The following SYNPO2 variants were observed in gnomAD, a reference collection of about 807,000 sequenced individuals.
SYNPO2 encodes the protein synaptopodin 2, also known as synaptopodin-2.
SYNPO2 carries 56 observed loss-of-function variants against 85.0 expected under a neutral mutation model. The observed-to-expected ratio is 0.66, with a 90% CI of 0.53 to 0.82. The LOEUF (loss-of-function observed/expected upper bound fraction) is 0.82. SYNPO2 is among the 40% of genes least tolerant of loss of function. SYNPO2 has a pLI of 0.00. For synonymous variants in SYNPO2, 602 were observed against 591.1 expected (o/e 1.02, Z -0.27); for missense variants, 1,575 against 1,534.2 (o/e 1.03, Z -0.44).
intron 1 of SYNPO2, among the ~76,000 whole-genome samples, chr4:118,964,248 G>A (rs1224787846): frequency 1.3e-5 from 2 of 151,946 alleles, no homozygotes; most frequent in Non-Finnish European, 2.9e-5. Flanking sequence ...TTAGGAGTTT[G>A]AGACCAGCCT....
Position 119,057,628 on chromosome 4 carries a change from G to A in SYNPO2, c.3480G>A (p.Val1160=), listed in dbSNP as rs374013584. 1 of 1,613,996 alleles carries A rather than the reference G, an allele frequency of 6.2e-7. No homozygotes were observed. The highest frequency in any genetic ancestry group is 8.5e-7 in the Non-Finnish European group (1 of 1,180,030). ...RNIQESIVAN[V]VSAARRKVLP... is the part of the protein sequence containing the mutation. ...TCCAGGAATCCATTGTGGCAAATGT[G>A]GTTTCAGCAGCTCGGAGGAAGGTGC... is the stretch of plus-strand genomic sequence containing the variant. Residue 1160 remains valine, a synonymous_variant, in exon 5 of 5, where the codon GTG becomes GTA. Coordinates refer to ENST00000307142, the MANE Select transcript of SYNPO2 (RefSeq NM_133477.3).
In SYNPO2 at chr4:118,987,506, T is replaced by G. The variant is rs541480177; in HGVS notation, c.106-35924T>G. Among the ~76,000 whole-genome samples, 5 of 152,188 alleles carry G rather than the reference T, an allele frequency of 3.3e-5. No individual in the cohort carries two copies. The South Asian group carries it at 1.0e-3, about 32-fold the overall frequency. On this transcript the variant is annotated intron_variant, in intron 1 of 4. Coordinates refer to ENST00000307142, the MANE Select transcript of SYNPO2 (RefSeq NM_133477.3). ...GCAACACAGGCTGATCGACAAAAAA[T>G]AAAACAAAGTTCCCTGGGTGTGGTG... is the stretch of plus-strand genomic sequence containing the variant.
intron 1 of SYNPO2, among the ~76,000 whole-genome samples, chr4:119,012,729 C>T (rs1273519442): frequency 6.6e-6 from 1 of 152,106 alleles, no homozygotes; most frequent in Non-Finnish European, 1.5e-5. Flanking sequence ...ACATTAACTC[C>T]TTCTTTTTTA....
At chr4:119,014,146 G>A (rs1284119140) in intron 1 of SYNPO2, among the ~76,000 whole-genome samples, 1 of 152,198 alleles carries the variant, frequency 6.6e-6, no homozygotes, top group African/African-American at 2.4e-5. Flanking sequence ...TTACAGACCA[G>A]ACACGGTGGC....
intron 1 of SYNPO2, among the ~76,000 whole-genome samples, chr4:118,893,444 G>A (rs1027327894): frequency 2.0e-5 from 3 of 152,002 alleles, no homozygotes; most frequent in Non-Finnish European, 4.4e-5. Context: ...CTAAACAGTA[G>A]GTATGAAAAA....
chr4:118,892,961 A>G (rs76369508), intron 1 of SYNPO2, among the ~76,000 whole-genome samples: 2,286 of 152,248 alleles, frequency 0.015, 69 homozygotes, highest in African/African-American at 0.052. Context: ...CTTATCCCTT[A>G]GTGCCATCAG....
intron 1 of SYNPO2, among the ~76,000 whole-genome samples, chr4:118,958,268 G>A (rs558060521): frequency 6.6e-6 from 1 of 152,248 alleles, no homozygotes; most frequent in Non-Finnish European, 1.5e-5. Flanking sequence ...CCTGCGGTGC[G>A]TGTATGTTGG....
intron 1 of SYNPO2, among the ~76,000 whole-genome samples, chr4:118,994,857 C>T (rs1736531105): frequency 6.6e-6 from 1 of 152,118 alleles, no homozygotes; most frequent in Non-Finnish European, 1.5e-5. Context: ...CAAATGCCTG[C>T]CCATGCAAGA....
chr4:118,991,345 G>A (rs908519138), intron 1 of SYNPO2, among the ~76,000 whole-genome samples: 3 of 151,690 alleles, frequency 2.0e-5, no homozygotes, highest in Non-Finnish European at 2.9e-5. Context: ...ACAGGGTTTC[G>A]CCATGTTGGA....
chr4:119,049,574 A>T (rs542186451), intron 4 of SYNPO2, among the ~76,000 whole-genome samples: 1 of 152,334 alleles, frequency 6.6e-6, no homozygotes, highest in African/African-American at 2.4e-5. Flanking sequence ...CTTCTAGGAC[A>T]GTTTACATTG....
chr4:118,998,760 C>T (rs1374387189), intron 1 of SYNPO2, among the ~76,000 whole-genome samples: 5 of 152,216 alleles, frequency 3.3e-5, no homozygotes, highest in Non-Finnish European at 7.3e-5. Context: ...CAATCTTTCA[C>T]AACTCTGCAA....
At chr4:118,926,467 GGTTTTGATGATCA>G (rs1167434716) in intron 1 of SYNPO2, among the ~76,000 whole-genome samples, 1 of 152,110 alleles carries the variant, frequency 6.6e-6, no homozygotes. Context: ...GCAGTAGAAA[GGTTTTGATGATCA>G]GTTAGAGGTA....
At position 118,894,026 on chromosome 4, in the gene SYNPO2, GAT is replaced by G. The variant is rs140546115; in HGVS notation, c.105+4898_105+4899del. 3.7e-3 allele frequency among the ~76,000 whole-genome samples: 542 copies of G among 148,386 alleles called. 2 individuals carry two copies. Among genetic ancestry groups the G allele is most frequent in the African/African-American group, 0.012 (471 of 40,586 alleles). ...AAATAAAATAAAACTTAAAAAAGAA[GAT>G]ATATATATATATGAATATATATTAT... On this transcript the variant is annotated intron_variant, in intron 1 of 4. Coordinates refer to ENST00000307142, the MANE Select transcript of SYNPO2 (RefSeq NM_133477.3).
intron 3 of SYNPO2, among the ~76,000 whole-genome samples, chr4:119,028,222 G>GTTTTTTTTTTTTTT (rs11317450): frequency 7.4e-6 from 1 of 135,474 alleles, no homozygotes; most frequent in Non-Finnish European, 1.6e-5. Flanking sequence ...ATTTTTGTTT[G>GTTTTTTTTTTTTTT]TTTTTTTTTT....
chr4:119,046,555 G>C (rs1400975248), intron 4 of SYNPO2, among the ~76,000 whole-genome samples: 1 of 152,146 alleles, frequency 6.6e-6, no homozygotes. Context: ...TTGAACAAAA[G>C]GTCCTGCCAG....
At position 118,851,093 on chromosome 4, in the gene SYNPO2, T is replaced by A. The variant is rs550002067; in HGVS notation, c.12+153T>A. 2.6e-4 allele frequency among the ~76,000 whole-genome samples: 39 copies of A among 152,346 alleles called. No individual in the cohort carries two copies. In the South Asian group the frequency reaches 8.1e-3, roughly 32 times the overall value. On this transcript the variant is annotated intron_variant, in intron 1 of 4. Transcript: ENST00000610556. The stretch of plus-strand genomic sequence containing the variant: ...TTCAAAAGGAGTTTTAAAATCCTAC[T>A]CACTTTTCAGAGTCTTAGTGGAATA...
intron 4 of SYNPO2, chr4:119,033,065 G>A: frequency 1.0e-6 from 1 of 985,250 alleles, no homozygotes; most frequent in Non-Finnish European, 1.2e-6. Context: ...TAAAAGGCAG[G>A]ACGCACATAA....
chr4:118,985,348 G>C (rs1015524784), intron 1 of SYNPO2, among the ~76,000 whole-genome samples: 20 of 152,330 alleles, frequency 1.3e-4, no homozygotes, highest in Admixed American at 2.6e-4. Flanking sequence ...TTTGCCGTCT[G>C]TCTCTCCTTT....
At chr4:118,893,263 T>C (rs1401063529) in intron 1 of SYNPO2, among the ~76,000 whole-genome samples, 1 of 152,188 alleles carries the variant, frequency 6.6e-6, no homozygotes, top group African/African-American at 2.4e-5. Context: ...ATTGTATATT[T>C]TAAGGGAGGT....
Sources: gnomAD v4.1 joint callset for allele counts (sites outside exome capture counted in the v4.1 genomes callset) on GRCh38, gnomAD v4.1.1 for gene constraint, MANE v1.5 for transcripts, NCBI Gene and HGNC (gene_info 2026-07-23, HGNC 2026-07-21) for gene names.